Variants in DOCK1 observed in about 807,000 individuals in gnomAD.
The protein encoded by DOCK1 is dedicator of cytokinesis protein 1.
DOCK1 carries 138 observed loss-of-function variants against 262.7 expected under a neutral mutation model. The observed-to-expected ratio is 0.53, with a 90% CI of 0.46 to 0.61. The LOEUF (loss-of-function observed/expected upper bound fraction) is 0.61. Ranked by LOEUF, DOCK1 falls within the 20% of genes least tolerant of loss-of-function variation. The pLI is 0.00. For missense variants in DOCK1, 1,908 were observed against 2,370.7 expected (o/e 0.80, Z 4.05); for synonymous variants, 866 against 867.4 (o/e 1.00, Z 0.03).
chr10:127,389,327 C>T (rs1053678283), intron 38 of DOCK1, among the ~76,000 whole-genome samples: 2 of 152,296 alleles, frequency 1.3e-5, no homozygotes, highest in South Asian at 4.1e-4. Flanking sequence ...TGAGAAATAA[C>T]GTCCTCCTGC....
chr10:127,012,163 T>C lies in DOCK1; in HGVS notation c.1059-69T>C. 1 of 803,408 alleles carries C rather than the reference T, an allele frequency of 1.2e-6. No individual in the cohort carries two copies. The highest frequency in any genetic ancestry group is 2.2e-6 in the Non-Finnish European group (1 of 461,400). 49.8% of individuals were successfully genotyped at this position (803,408 alleles called of 1,614,324 possible). On this transcript the variant is annotated intron_variant, in intron 11 of 51. Transcript: ENST00000623213. This position sits in a 1 kb window ranked among gnomAD's most constrained non-coding sequence, Gnocchi z 4.0. ...GTGACGATGATCTCTTATGTTCCCT[T>C]GTTACCGTGGCCCATGGGTCTCTGT...
chr10:127,366,088 C>T (rs1237182691), intron 33 of DOCK1, among the ~76,000 whole-genome samples: 1 of 152,042 alleles, frequency 6.6e-6, no homozygotes. Context: ...CAGATTCACC[C>T]ACAAGAAGGA....
At position 127,391,194 on chromosome 10, in the gene DOCK1, A is replaced by T. The variant is rs555563417; in HGVS notation, c.3927+6285A>T. Among the ~76,000 whole-genome samples, 3 of 152,370 alleles carry T rather than the reference A, an allele frequency of 2.0e-5. No individual in the cohort carries two copies. In the East Asian group the frequency reaches 5.8e-4, roughly 29 times the overall value. ...ATGTCGAAATGGCAAGGAAAAAAGC[A>T]TGATCACAAGCACCAAGATATGATG... On this transcript the variant is annotated intron_variant, in intron 38 of 51. Transcript: ENST00000623213.
At chr10:127,032,365 C>G (rs773629299) in intron 18 of DOCK1, 45 bp downstream of exon 18, 1 of 1,459,896 alleles carries the variant, frequency 6.8e-7, no homozygotes, top group African/African-American at 1.4e-5. Flanking sequence ...AGCTCTGCCC[C>G]AGTCCTGTCT....
chr10:127,411,108 C>T (rs2067820724), intron 43 of DOCK1, among the ~76,000 whole-genome samples, 184 bp downstream of exon 43: 1 of 152,164 alleles, frequency 6.6e-6, no homozygotes, highest in Admixed American at 6.5e-5. Flanking sequence ...ATTGCCATTT[C>T]ACTAACAATA....
At chr10:127,260,085 T>C (rs2134989118) in intron 29 of DOCK1, among the ~76,000 whole-genome samples, 1 of 152,326 alleles carries the variant, frequency 6.6e-6, no homozygotes, top group South Asian at 2.1e-4. Flanking sequence ...ATCATGAATT[T>C]GCTGCAAACC....
chr10:127,213,247 G>T (rs941581934), intron 27 of DOCK1, among the ~76,000 whole-genome samples: 5 of 152,166 alleles, frequency 3.3e-5, no homozygotes, highest in Admixed American at 3.3e-4. Context: ...GTTAAGTGTG[G>T]GCATCAGTGT....
At position 127,125,517 on chromosome 10, in the gene DOCK1, G is replaced by C; in HGVS notation, c.2667G>C (p.Lys889Asn). The change falls in exon 26 of 52, where the codon AAG becomes AAC. Residue 889 changes from lysine to asparagine, a missense_variant. Coordinates refer to ENST00000623213, the MANE Select transcript of DOCK1 (RefSeq NM_001290223.2). ...TTCCCATGATGACCGATCAGCTCAA[G>C]TACCATCTGGAGAGACAGGAGGACC... Reference protein sequence around the residue: ...ILLPMMTDQLKYHLERQEDLE... With the variant: ...ILLPMMTDQLNYHLERQEDLE... The C allele has an allele frequency of 6.2e-7, 1 of 1,613,850 alleles. No individual in the cohort carries two copies. The highest frequency in any genetic ancestry group is 1.3e-5 in the African/African-American group (1 of 75,032).
chr10:127,330,076 C>T (rs1478608985), intron 29 of DOCK1, among the ~76,000 whole-genome samples: 1 of 152,148 alleles, frequency 6.6e-6, no homozygotes, highest in South Asian at 2.1e-4. Context: ...AGTGGCTAAT[C>T]GGCTCCAAGC....
At chr10:127,401,340 C>T (rs947161535) in intron 38 of DOCK1, among the ~76,000 whole-genome samples, 7 of 152,118 alleles carry the variant, frequency 4.6e-5, no homozygotes, top group Admixed American at 1.3e-4. Flanking sequence ...GATTGAGGGG[C>T]ATAACGCAGA....
intron 1 of DOCK1, among the ~76,000 whole-genome samples, chr10:126,926,982 T>C (rs1392216850): frequency 6.6e-6 from 1 of 152,144 alleles, no homozygotes; most frequent in Non-Finnish European, 1.5e-5. Context: ...AGAAATGCAG[T>C]TGAGACACAG....
chr10:126,987,364 G>A (rs922446679), intron 4 of DOCK1, among the ~76,000 whole-genome samples, 157 bp from the exon 5 acceptor site: 3 of 152,124 alleles, frequency 2.0e-5, no homozygotes, highest in Admixed American at 6.5e-5. Flanking sequence ...TCGTAGAGAC[G>A]TATGTATTTA....
At chr10:126,950,738 TG>T (rs1452560925) in intron 1 of DOCK1, among the ~76,000 whole-genome samples, 222 of 152,190 alleles carry the variant, frequency 1.5e-3, no homozygotes, top group Middle Eastern at 3.4e-3. Context: ...TGTGCAGAAA[TG>T]GGGTTTTTGT....
chr10:127,296,102 T>C (rs2061495788), intron 29 of DOCK1, among the ~76,000 whole-genome samples: 1 of 152,242 alleles, frequency 6.6e-6, no homozygotes, highest in African/African-American at 2.4e-5. Context: ...ACTTGCCGTA[T>C]AATTTCTGAG....
At chr10:127,409,656 G>T (rs1330487628) in intron 42 of DOCK1, among the ~76,000 whole-genome samples, 3 of 152,200 alleles carry the variant, frequency 2.0e-5, no homozygotes, top group Non-Finnish European at 2.9e-5. Context: ...TAAGAGGGCA[G>T]TGGAGGCCGT....
At chr10:126,999,217 A>G (rs762506861) in intron 8 of DOCK1, 137 bp from the exon 9 acceptor site, 40 of 645,838 alleles carry the variant, frequency 6.2e-5, no homozygotes, top group Non-Finnish European at 8.6e-5. Context: ...GCTGTATGTG[A>G]TACTTTTGAT....
At chr10:127,056,661 G>A (rs2045174516) in intron 22 of DOCK1, among the ~76,000 whole-genome samples, 5 of 151,402 alleles carry the variant, frequency 3.3e-5, no homozygotes, top group Admixed American at 1.3e-4. Context: ...CTTAATGAGT[G>A]TATGAGCCCC....
At chr10:127,401,935 A>T (rs1405291471) in intron 38 of DOCK1, among the ~76,000 whole-genome samples, 1 of 152,144 alleles carries the variant, frequency 6.6e-6, no homozygotes, top group Admixed American at 6.5e-5. Context: ...GGTAGTCTAG[A>T]TTCGCGGCCT....
intron 29 of DOCK1, among the ~76,000 whole-genome samples, chr10:127,287,332 G>A (rs2061193231): frequency 6.6e-6 from 1 of 151,754 alleles, no homozygotes; most frequent in African/African-American, 2.4e-5. Context: ...TAGGACTATA[G>A]GTGTGCACCA....
Sources: allele counts gnomAD v4.1 joint callset (sites outside exome capture counted in the v4.1 genomes callset), GRCh38; gene constraint gnomAD v4.1.1; non-coding constraint Gnocchi (gnomAD v3.1); transcripts MANE v1.5; gene names NCBI Gene and HGNC (gene_info 2026-07-23, HGNC 2026-07-21).